TRAF6: variants seen among roughly 807,000 people sequenced by gnomAD.
The protein encoded by TRAF6 is TNF receptor-associated factor 6.
A neutral mutation model predicts 48.4 loss-of-function variants in TRAF6; 10 were observed. That is an observed-to-expected ratio of 0.21 (90% confidence interval 0.13 to 0.35). The LOEUF (loss-of-function observed/expected upper bound fraction) is 0.35. Ranked by LOEUF, TRAF6 falls within the 10% of genes least tolerant of loss-of-function variation. The probability of loss-of-function intolerance (pLI) is 1.00; values close to 1 mark genes in which losing one functional copy is unlikely to be tolerated. For synonymous variants in TRAF6, 186 were observed against 219.6 expected (o/e 0.85, Z 1.35); for missense variants, 397 against 661.0 (o/e 0.60, Z 4.38).
intron 1 of TRAF6, among the ~76,000 whole-genome samples, chr11:36,503,042 T>A (rs1859737904): frequency 6.6e-6 from 1 of 152,202 alleles, no homozygotes; most frequent in African/African-American, 2.4e-5. Context: ...ATTACCCAAC[T>A]AATAAGTAAC....
At position 36,485,231 on chromosome 11, in the gene TRAF6, C is replaced by T. The variant is rs564656939; in HGVS notation, c.*4607G>A. Among the ~76,000 whole-genome samples, 7 of 152,254 alleles carry T rather than the reference C, an allele frequency of 4.6e-5. No homozygotes were observed. The highest frequency in any genetic ancestry group is 1.3e-4 in the Admixed American group (2 of 15,298). ...AAAAAAGCAAAAAAAGTAACATCTGCGCCTTACCATCTAAAATTTACATGA... is the reference window on the plus strand; with the variant it reads ...AAAAAAGCAAAAAAAGTAACATCTGTGCCTTACCATCTAAAATTTACATGA... On this transcript the variant is annotated 3_prime_UTR_variant, in exon 7 of 7. Transcript: ENST00000526995.
At chr11:36,500,990 ATTTAC>A (rs1859708015) in intron 2 of TRAF6, among the ~76,000 whole-genome samples, 2 of 152,114 alleles carry the variant, frequency 1.3e-5, no homozygotes, top group Admixed American at 1.3e-4. Context: ...GTAGCAAATT[ATTTAC>A]TTATTTATCC....
At chr11:36,503,191 T>A (rs2133676931) in intron 1 of TRAF6, among the ~76,000 whole-genome samples, 1 of 152,338 alleles carries the variant, frequency 6.6e-6, no homozygotes, top group Admixed American at 6.5e-5. Flanking sequence ...TACACTAAAG[T>A]GCTGGCCACA....
intron 5 of TRAF6, among the ~76,000 whole-genome samples, chr11:36,494,684 T>C (rs930274404): frequency 6.6e-6 from 1 of 151,870 alleles, no homozygotes; most frequent in African/African-American, 2.4e-5. Flanking sequence ...ACCCTTACTT[T>C]TGATTATTTT....
At chr11:36,507,030 ATAAC>A (rs959535219) in intron 1 of TRAF6, among the ~76,000 whole-genome samples, 1 of 151,664 alleles carries the variant, frequency 6.6e-6, no homozygotes, top group African/African-American at 2.4e-5. Context: ...AATTATAACG[ATAAC>A]TAACACTAAG....
chr11:36,509,626 A>G (rs535270502), intron 1 of TRAF6, among the ~76,000 whole-genome samples: 1 of 152,240 alleles, frequency 6.6e-6, no homozygotes, highest in Middle Eastern at 3.4e-3. Context: ...AGCGGAGTTG[A>G]GGGGAGCGAG....
At chr11:36,494,164 A>T (rs1202706350) in intron 5 of TRAF6, among the ~76,000 whole-genome samples, 1 of 152,136 alleles carries the variant, frequency 6.6e-6, no homozygotes, top group Non-Finnish European at 1.5e-5. Context: ...CAGGAGTTCG[A>T]GACCAGTCTA....
At chr11:36,498,183 C>T (rs5030453) in intron 3 of TRAF6, among the ~76,000 whole-genome samples, 110 of 152,126 alleles carry the variant, frequency 7.2e-4, no homozygotes, top group African/African-American at 2.6e-3. Flanking sequence ...TGTGCCTGGC[C>T]GACACCTGTA....
At chr11:36,499,838 T>C (rs1420631500) in intron 2 of TRAF6, among the ~76,000 whole-genome samples, 2 of 152,214 alleles carry the variant, frequency 1.3e-5, no homozygotes, top group South Asian at 4.1e-4. Flanking sequence ...GACAGACTTA[T>C]AATGAATTCA....
intron 1 of TRAF6, chr11:36,501,837 T>C: frequency 5.3e-6 from 1 of 189,658 alleles, no homozygotes; most frequent in Non-Finnish European, 1.1e-5. Flanking sequence ...CATATAAAGT[T>C]AAAAAAGGAG....
Position 36,489,701 on chromosome 11 carries a change from T to A in TRAF6, c.*137A>T. On this transcript the variant is annotated 3_prime_UTR_variant, in exon 7 of 7. Coordinates refer to ENST00000526995, the MANE Select transcript of TRAF6 (RefSeq NM_004620.4). ...GATCATTTGTAACAGGAAGAAATAGTAAGTGACCTCTCTAACAACACTCAC... is the reference window on the plus strand; with the variant it reads ...GATCATTTGTAACAGGAAGAAATAGAAAGTGACCTCTCTAACAACACTCAC... 1 of 952,254 alleles carries A rather than the reference T, an allele frequency of 1.1e-6. No homozygotes were observed. The highest frequency in any genetic ancestry group is 1.6e-6 in the Non-Finnish European group (1 of 626,186). 59.0% of individuals were successfully genotyped at this position (952,254 alleles called of 1,614,324 possible).
chr11:36,509,592 T>C (rs1301640559), intron 1 of TRAF6, among the ~76,000 whole-genome samples: 1 of 152,052 alleles, frequency 6.6e-6, no homozygotes, highest in African/African-American at 2.4e-5. Flanking sequence ...CAGGAGGCAA[T>C]TTCCTTATCT....
chr11:36,499,111 TC>T (rs1237102154), intron 2 of TRAF6, among the ~76,000 whole-genome samples: 2 of 152,174 alleles, frequency 1.3e-5, no homozygotes, highest in Non-Finnish European at 2.9e-5. Context: ...CTCCGTGAGG[TC>T]ACATTTTAAA....
At chr11:36,492,758 A>G (rs921308123) in intron 5 of TRAF6, 130 bp from the exon 6 acceptor site, 31 of 637,282 alleles carry the variant, frequency 4.9e-5, no homozygotes, top group South Asian at 3.8e-4. Context: ...GTGCAGCATA[A>G]ACCATCACCC....
At position 36,490,668 on chromosome 11, in the gene TRAF6, G is replaced by A. The variant is rs1859551510; in HGVS notation, c.757-18C>T. On this transcript the variant is annotated intron_variant, in intron 6 of 6. Coordinates refer to ENST00000526995, the MANE Select transcript of TRAF6 (RefSeq NM_004620.4). This position sits in a 1 kb window ranked among gnomAD's most constrained non-coding sequence, Gnocchi z 6.4. ...CTCTGCATCTAAAAATCAAGCACAA[G>A]CCTTAGGCTGGGAATAGATACCGTG... 2 of 1,594,714 alleles carry A rather than the reference G, an allele frequency of 1.3e-6. No homozygotes were observed. The highest frequency in any genetic ancestry group is 2.7e-5 in the African/African-American group (2 of 74,424).
intron 1 of TRAF6, among the ~76,000 whole-genome samples, chr11:36,506,803 C>A (rs1859790641): frequency 6.6e-6 from 1 of 152,158 alleles, no homozygotes; most frequent in African/African-American, 2.4e-5. Context: ...CTTTAAGATG[C>A]AATCCAGAAG....
Position 36,490,614 on chromosome 11 carries a change from T to C in TRAF6, c.793A>G (p.Asn265Asp). 6.2e-7 allele frequency: 1 copy of C among 1,613,390 alleles called. No individual in the cohort carries two copies. The highest frequency in any genetic ancestry group is 1.1e-5 in the South Asian group (1 of 91,052). Residue 265 changes from asparagine (N) to aspartate (D), a missense_variant, in exon 7 of 7, where the codon AAC (asparagine) becomes GAC (aspartate). Physicochemically the swap from Asn to Asp is conservative, Grantham distance 23 (BLOSUM62 1). Around this residue, in one of 4 missense-constraint regions of TRAF6, gnomAD observed 245 missense variants for 349.1 expected, o/e 0.70. Transcript: ENST00000526995. The surrounding 1 kb of genome is among the most constrained non-coding windows in gnomAD (Gnocchi z 6.4). ...RNHLARHLQE[N>D]TQSHMRMLAQ... ...AACATTCTCATGTGTGACTGGGTGT[T>C]CTCTTGTAGGTGGCGTGCCAAGTGA...
At chr11:36,498,761 T>C (rs1859676223) in intron 2 of TRAF6, 121 bp from the exon 3 acceptor site, 2 of 1,071,416 alleles carry the variant, frequency 1.9e-6, no homozygotes, top group Non-Finnish European at 2.6e-6. Context: ...CAATTTAACA[T>C]ATTATATTGC....
In TRAF6 at chr11:36,495,234, GA is replaced by G. The variant is rs571075748; in HGVS notation, c.607-188del. 1.0e-3 allele frequency among the ~76,000 whole-genome samples: 153 copies of G among 152,250 alleles called. 1 individual carries two copies. The highest frequency in any genetic ancestry group is 3.6e-3 in the African/African-American group (150 of 41,560). On this transcript the variant is annotated intron_variant, in intron 4 of 6. Transcript: ENST00000526995. Reference sequence around the variant, plus strand: ...TCTTTCTCTTTCCCAGTGTAATAATGAGATTCATTCAACTTTCCAGCTCTTT... The same window carrying G: ...TCTTTCTCTTTCCCAGTGTAATAATGGATTCATTCAACTTTCCAGCTCTTT...
Sources: gnomAD v4.1 joint callset for allele counts (sites outside exome capture counted in the v4.1 genomes callset) on GRCh38, gnomAD v4.1.1 for gene constraint, gnomAD v4.1.1 regional missense constraint, Gnocchi (gnomAD v3.1) non-coding constraint, MANE v1.5 for transcripts, NCBI Gene and HGNC (gene_info 2026-07-23, HGNC 2026-07-21) for gene names.